SHROOM3: variants seen among roughly 807,000 people sequenced by gnomAD.
SHROOM3 encodes the protein protein Shroom3.
In SHROOM3, 47 loss-of-function variants were observed where a neutral mutation model predicts 138.6. The ratio of observed to expected loss-of-function variants is 0.34; its 90% confidence interval spans 0.27 to 0.43. The LOEUF (loss-of-function observed/expected upper bound fraction) is 0.43. SHROOM3 is among the 20% of genes least tolerant of loss of function. The probability of loss-of-function intolerance (pLI) is 1.00; values close to 1 mark genes in which losing one functional copy is unlikely to be tolerated. For missense variants in SHROOM3, 2,491 were observed against 2,596.5 expected (o/e 0.96, Z 0.88); for synonymous variants, 1,062 against 1,063.3 (o/e 1.00, Z 0.02).
intron 1 of SHROOM3, among the ~76,000 whole-genome samples, chr4:76,548,267 A>C (rs1452884626): frequency 1.3e-5 from 2 of 149,710 alleles, no homozygotes; most frequent in Non-Finnish European, 3.0e-5. Context: ...AGCAGCAGGG[A>C]GGTCAAATCC....
Position 76,781,094 on chromosome 4 carries a change from G to C in SHROOM3, c.*1917G>C, listed in dbSNP as rs934118065. ...TGACCATTTTTCGGGATTTGACTGG[G>C]GAACATTTTACATATTCAGTCTTTC... On this transcript the variant is annotated 3_prime_UTR_variant, in exon 11 of 11. Transcript: ENST00000296043. The C allele has an allele frequency of 6.6e-6, 1 of 152,096 alleles. No homozygotes were observed. Among genetic ancestry groups the C allele is most frequent in the Non-Finnish European group, 1.5e-5 (1 of 68,028 alleles). The allele number at this position is 152,096 out of a possible 1,614,324, so 9.4% of individuals were successfully genotyped here.
Position 76,741,996 on chromosome 4 carries a change from A to C in SHROOM3, c.3753+70A>C. The C allele has an allele frequency of 6.4e-7, 1 of 1,556,754 alleles. No homozygotes were observed. Among genetic ancestry groups the C allele is most frequent in the Non-Finnish European group, 8.7e-7 (1 of 1,143,934 alleles). On this transcript the variant is annotated intron_variant, in intron 5 of 10. Coordinates refer to ENST00000296043, the MANE Select transcript of SHROOM3 (RefSeq NM_020859.4). The surrounding 1 kb of genome is among the most constrained non-coding windows in gnomAD (Gnocchi z 6.2). ...CCTAGAAGCTTTAGTGGGGCTCCCCAACCCCCCACACTCTCACCCGCTCTC... is the reference window on the plus strand; with the variant it reads ...CCTAGAAGCTTTAGTGGGGCTCCCCCACCCCCCACACTCTCACCCGCTCTC...
At chr4:76,570,999 T>C (rs1055962271) in intron 2 of SHROOM3, among the ~76,000 whole-genome samples, 3 of 152,194 alleles carry the variant, frequency 2.0e-5, no homozygotes, top group African/African-American at 7.2e-5. Context: ...AGTGGACCAA[T>C]TGTTATCAGT....
chr4:76,715,761 G>A (rs944860622), intron 3 of SHROOM3, among the ~76,000 whole-genome samples: 2 of 152,090 alleles, frequency 1.3e-5, no homozygotes. Flanking sequence ...TTAGTTCTGC[G>A]GTGCTGTCCC....
Position 76,754,987 on chromosome 4 carries a change from G to A in SHROOM3, c.4504G>A (p.Glu1502Lys), listed in dbSNP as rs564235036. 6.2e-7 allele frequency: 1 copy of A among 1,612,556 alleles called. No individual in the cohort carries two copies. Among genetic ancestry groups the A allele is most frequent in the South Asian group, 1.1e-5 (1 of 90,764 alleles). The change falls in exon 7 of 11, where the codon GAG (glutamate) becomes AAG (lysine). Residue 1502 changes from glutamate to lysine, a missense_variant. Glu to Lys is a moderately conservative substitution (Grantham distance 56). Transcript: ENST00000296043. ...SVLRDSPPPH[E>K]DYEDEVFVRD... ...CCTGCGGGACTCCCCGCCACCTCAT[G>A]AGGATTATGAAGACGAAGTGTTTGT...
chr4:76,552,062 C>T (rs1220272967), intron 1 of SHROOM3, among the ~76,000 whole-genome samples: 27 of 148,616 alleles, frequency 1.8e-4, no homozygotes, highest in East Asian at 6.0e-4. Context: ...GGGGTTTCAC[C>T]GTGTTAGCCA....
At chr4:76,566,302 T>A (rs1733725586) in intron 2 of SHROOM3, among the ~76,000 whole-genome samples, 1 of 152,080 alleles carries the variant, frequency 6.6e-6, no homozygotes, top group South Asian at 2.1e-4. Context: ...ATAGGTTATA[T>A]GCAAATATGA....
chr4:76,640,849 G>A (rs1355287583), intron 2 of SHROOM3, among the ~76,000 whole-genome samples: 1 of 152,210 alleles, frequency 6.6e-6, no homozygotes, highest in African/African-American at 2.4e-5. Context: ...TGCAGGCTAA[G>A]TTGGAACCAC....
chr4:76,446,545 T>C (rs763815679), intron 1 of SHROOM3, among the ~76,000 whole-genome samples: 12 of 152,168 alleles, frequency 7.9e-5, no homozygotes, highest in African/African-American at 2.4e-5. Flanking sequence ...GTTGTTTGGG[T>C]GGGGTATATC....
chr4:76,438,455 A>G (rs1454102841), intron 1 of SHROOM3, among the ~76,000 whole-genome samples: 1 of 152,202 alleles, frequency 6.6e-6, no homozygotes, highest in Non-Finnish European at 1.5e-5. Context: ...GGTAACTAAA[A>G]TGAAGTAAAA....
At chr4:76,473,140 C>T (rs1201851101) in intron 1 of SHROOM3, among the ~76,000 whole-genome samples, 1 of 152,050 alleles carries the variant, frequency 6.6e-6, no homozygotes, top group Non-Finnish European at 1.5e-5. Context: ...AAAAAAAGCA[C>T]AAGCAATCAA....
At chr4:76,454,475 C>T (rs964407430) in intron 1 of SHROOM3, among the ~76,000 whole-genome samples, 2 of 152,158 alleles carry the variant, frequency 1.3e-5, no homozygotes, top group Middle Eastern at 3.2e-3. Flanking sequence ...CCATTTATAG[C>T]CAGAGTTGAT....
intron 2 of SHROOM3, among the ~76,000 whole-genome samples, chr4:76,568,382 A>T (rs1733770929): frequency 6.6e-6 from 1 of 152,172 alleles, no homozygotes; most frequent in African/African-American, 2.4e-5. Context: ...AAATAGCGTT[A>T]GTTATTTTTC....
intron 1 of SHROOM3, among the ~76,000 whole-genome samples, chr4:76,460,979 G>C (rs1201255933): frequency 2.0e-5 from 3 of 150,940 alleles, no homozygotes; most frequent in Non-Finnish European, 4.4e-5. Context: ...CTGGGTGTTG[G>C]AGTGAGACCC....
At chr4:76,524,560 A>G (rs1732640018) in intron 1 of SHROOM3, among the ~76,000 whole-genome samples, 2 of 152,204 alleles carry the variant, frequency 1.3e-5, no homozygotes, top group Non-Finnish European at 2.9e-5. Flanking sequence ...TGCCTTAATT[A>G]ACAAAACAGG....
At chr4:76,649,660 C>G (rs1735910865) in intron 2 of SHROOM3, among the ~76,000 whole-genome samples, 1 of 152,074 alleles carries the variant, frequency 6.6e-6, no homozygotes, top group African/African-American at 2.4e-5. Context: ...GATAAGAGTG[C>G]TTTATAACTG....
At chr4:76,530,174 A>G (rs977012155) in intron 1 of SHROOM3, among the ~76,000 whole-genome samples, 2 of 152,216 alleles carry the variant, frequency 1.3e-5, no homozygotes, top group African/African-American at 2.4e-5. Context: ...CTTGCCACGC[A>G]TATGGAAACG....
At chr4:76,452,331 C>G (rs1730942563) in intron 1 of SHROOM3, among the ~76,000 whole-genome samples, 1 of 152,186 alleles carries the variant, frequency 6.6e-6, no homozygotes, top group African/African-American at 2.4e-5. Flanking sequence ...ACCTCCAGAA[C>G]ATTTTCATCT....
At chr4:76,738,534 GCTAGC>G (rs1721145206) in intron 4 of SHROOM3, among the ~76,000 whole-genome samples, 1 of 152,136 alleles carries the variant, frequency 6.6e-6, no homozygotes, top group Non-Finnish European at 1.5e-5. Context: ...TCCTCTCCTT[GCTAGC>G]CTGGGTGATT....
Sources: allele counts gnomAD v4.1 joint callset (sites outside exome capture counted in the v4.1 genomes callset), GRCh38; gene constraint gnomAD v4.1.1; non-coding constraint Gnocchi (gnomAD v3.1); transcripts MANE v1.5; gene names NCBI Gene and HGNC (gene_info 2026-07-23, HGNC 2026-07-21).